Variants in GPHN observed in about 807,000 individuals in gnomAD.
The protein encoded by GPHN is gephyrin.
GPHN carries 17 observed loss-of-function variants against 95.5 expected under a neutral mutation model. The ratio of observed to expected loss-of-function variants is 0.18; its 90% CI spans 0.12 to 0.27. The LOEUF is 0.27. GPHN is among the 10% of genes least tolerant of loss of function. GPHN has a pLI of 1.00. For synonymous variants in GPHN, 320 were observed against 322.5 expected, an observed-to-expected ratio of 0.99 and a Z score of 0.08; for missense variants, 660 against 978.1, an observed-to-expected ratio of 0.67 and a Z score of 4.34.
the GPHN span, among the ~76,000 whole-genome samples, chr14:67,628,199 G>C: frequency 2.3e-4 from 35 of 152,182 alleles, no homozygotes; most frequent in Admixed American, 9.2e-4. Context: ...TTCATTTTCT[G>C]GGCCTCCTTT....
chr14:66,684,430 A>G (rs2067202277), intron 2 of GPHN, among the ~76,000 whole-genome samples: 1 of 152,220 alleles, frequency 6.6e-6, no homozygotes, highest in Non-Finnish European at 1.5e-5. Context: ...ATATAAAACA[A>G]TGTTTAAACC....
At chr14:66,604,214 T>C (rs182042018) in intron 1 of GPHN, among the ~76,000 whole-genome samples, 4 of 152,280 alleles carry the variant, frequency 2.6e-5, no homozygotes, top group East Asian at 1.9e-4. Context: ...AGTATCATGA[T>C]TGATTTGTAG....
chr14:67,466,485 G>A, the GPHN span, among the ~76,000 whole-genome samples: 22 of 152,184 alleles, frequency 1.4e-4, no homozygotes, highest in Non-Finnish European at 2.5e-4. Context: ...TGGCATGGAT[G>A]GTTGTTGTCT....
At chr14:67,590,222 G>A in the GPHN span, 1 of 1,409,108 alleles carries the variant, frequency 7.1e-7, no homozygotes, top group Non-Finnish European at 9.5e-7. Flanking sequence ...ATATAAGGGA[G>A]TGCAGTGGTG....
At chr14:66,789,267 G>A (rs2059889684) in intron 3 of GPHN, among the ~76,000 whole-genome samples, 1 of 151,976 alleles carries the variant, frequency 6.6e-6, no homozygotes, top group African/African-American at 2.4e-5. Flanking sequence ...ACATTTCCAT[G>A]CCTTCTTATA....
chr14:66,529,888 T>A (rs1396535243), intron 1 of GPHN, among the ~76,000 whole-genome samples: 1 of 152,168 alleles, frequency 6.6e-6, no homozygotes, highest in East Asian at 1.9e-4. Flanking sequence ...AGCTCTCCTG[T>A]ATGAGGTGTC....
At chr14:67,679,464 T>C in the GPHN span, among the ~76,000 whole-genome samples, 4 of 151,226 alleles carry the variant, frequency 2.6e-5, no homozygotes, top group Non-Finnish European at 5.9e-5. Flanking sequence ...AGTGCAGTGA[T>C]GCGATCTCAG....
chr14:67,421,739 G>A, the GPHN span, among the ~76,000 whole-genome samples: 1 of 152,068 alleles, frequency 6.6e-6, no homozygotes, highest in African/African-American at 2.4e-5. Context: ...AACTGCAGAG[G>A]GGCCCTCCAA....
the GPHN span, chr14:67,656,486 T>C: frequency 6.2e-7 from 1 of 1,613,902 alleles, no homozygotes; most frequent in Non-Finnish European, 8.5e-7. Flanking sequence ...GCCAATCTGG[T>C]CAGTCTCTGT....
intron 4 of GPHN, among the ~76,000 whole-genome samples, chr14:66,878,270 C>T (rs1324291542): frequency 6.6e-6 from 1 of 152,014 alleles, no homozygotes; most frequent in Non-Finnish European, 1.5e-5. Context: ...ACTATAAAAA[C>T]CCTAGAAGAA....
At chr14:67,352,903 CT>C in the GPHN span, 1 of 1,531,996 alleles carries the variant, frequency 6.5e-7, no homozygotes, top group Non-Finnish European at 9.0e-7. Context: ...AAATACTATT[CT>C]AAGAAAAGTT....
chr14:67,387,587 C>G, the GPHN span: 28 of 958,144 alleles, frequency 2.9e-5, no homozygotes, highest in Non-Finnish European at 3.9e-5. Flanking sequence ...AAAAGGTTTA[C>G]AGTTAGAGAA....
chr14:67,174,810 T>C (rs2082825382), intron 21 of GPHN, among the ~76,000 whole-genome samples: 1 of 152,232 alleles, frequency 6.6e-6, no homozygotes, highest in South Asian at 2.1e-4. Context: ...TGGTTTTGAT[T>C]TGCACTTCTC....
At chr14:67,693,641 TTC>T in the GPHN span, among the ~76,000 whole-genome samples, 1 of 150,604 alleles carries the variant, frequency 6.6e-6, no homozygotes, top group Non-Finnish European at 1.5e-5. Flanking sequence ...GTTTCTTTCT[TTC>T]TCTTTCTCTT....
intron 1 of GPHN, among the ~76,000 whole-genome samples, chr14:66,515,603 T>C (rs2058209546): frequency 6.6e-6 from 1 of 152,242 alleles, no homozygotes; most frequent in Non-Finnish European, 1.5e-5. Context: ...ATGTTGATTC[T>C]GGTGATCAAA....
At chr14:67,038,426 T>TA (rs2074537998) in intron 10 of GPHN, among the ~76,000 whole-genome samples, 1 of 152,116 alleles carries the variant, frequency 6.6e-6, no homozygotes, top group Non-Finnish European at 1.5e-5. Context: ...CATAAATACT[T>TA]AAAAATTGTT....
chr14:67,086,360 G>A (rs993128377), intron 11 of GPHN, among the ~76,000 whole-genome samples: 1 of 152,192 alleles, frequency 6.6e-6, no homozygotes, highest in Non-Finnish European at 1.5e-5. Flanking sequence ...TAGTATGGCT[G>A]AAAAGTTCTG....
chr14:67,584,240 A>G, the GPHN span: 1 of 993,454 alleles, frequency 1.0e-6, no homozygotes. Flanking sequence ...AGAGGTCACT[A>G]TCCCTCCACT....
the GPHN span, among the ~76,000 whole-genome samples, chr14:67,389,253 A>G: frequency 3.9e-5 from 6 of 152,078 alleles, no homozygotes; most frequent in Non-Finnish European, 5.9e-5. Context: ...GTACTACTAA[A>G]TGCCAACGGG....
Sources: allele counts gnomAD v4.1 joint callset (sites outside exome capture counted in the v4.1 genomes callset), GRCh38; gene constraint gnomAD v4.1.1; transcripts MANE v1.5; gene names NCBI Gene and HGNC (gene_info 2026-07-23, HGNC 2026-07-21).